Variants in KDM4B observed in about 807,000 individuals in gnomAD.
The protein encoded by KDM4B is lysine-specific demethylase 4B.
KDM4B carries 32 observed loss-of-function variants against 125.2 expected under a neutral mutation model. The observed-to-expected ratio is 0.26, with a 90% CI of 0.19 to 0.34. The LOEUF is 0.34. KDM4B is among the 10% of genes least tolerant of loss of function. KDM4B has a pLI of 1.00. For synonymous variants in KDM4B, 721 were observed against 677.9 expected, an observed-to-expected ratio of 1.06 and a Z score of -0.99; for missense variants, 1,190 against 1,577.7, an observed-to-expected ratio of 0.75 and a Z score of 4.16.
Position 5,039,887 on chromosome 19 carries a change from G to A in KDM4B, c.193G>A (p.Asp65Asn), listed in dbSNP as rs572673151. ...GCGGCAGACGTATGATGACATCGAC[G>A]ACGTGGTGATCCCGGCGCCCATCCA... ...KPRQTYDDIDDVVIPAPIQQV... is the reference protein window; with the variant it reads ...KPRQTYDDIDNVVIPAPIQQV... The change falls in exon 4 of 23, where the codon GAC becomes AAC. Residue 65 changes from aspartate (D) to asparagine (N), a missense_variant. Asp to Asn is a conservative substitution (Grantham distance 23). Around this residue, in one of 7 missense-constraint regions of KDM4B, gnomAD observed 139 missense variants for 248.3 expected, o/e 0.56. Coordinates refer to ENST00000159111, the MANE Select transcript of KDM4B (RefSeq NM_015015.3). The A allele has an allele frequency of 2.5e-6, 4 of 1,612,994 alleles. No homozygotes were observed. Among genetic ancestry groups the A allele is most frequent in the East Asian group, 2.2e-5 (1 of 44,880 alleles).
intron 11 of KDM4B, among the ~76,000 whole-genome samples, chr19:5,120,706 T>G (rs2039344706): frequency 1.3e-5 from 2 of 152,214 alleles, no homozygotes; most frequent in East Asian, 3.9e-4. Flanking sequence ...GTTTAGAGCT[T>G]TAGCTGCTTG....
chr19:5,041,119 G>C lies in KDM4B; in HGVS notation c.318-18G>C. 1 of 1,561,434 alleles carries C rather than the reference G, an allele frequency of 6.4e-7. No individual in the cohort carries two copies. The highest frequency in any genetic ancestry group is 8.8e-7 in the Non-Finnish European group (1 of 1,133,786). ...CCAGGCCTCACCCTGAGCTGGTTTT[G>C]GGGTGTTTGTTCACCAGGTACTGTA... On this transcript the variant is annotated intron_variant, in intron 4 of 22. Coordinates refer to ENST00000159111, the MANE Select transcript of KDM4B (RefSeq NM_015015.3).
chr19:4,996,372 C>T (rs2035201053), intron 1 of KDM4B, among the ~76,000 whole-genome samples: 1 of 152,018 alleles, frequency 6.6e-6, no homozygotes, highest in East Asian at 1.9e-4. Context: ...GTGTGTGTGC[C>T]TGTTTTATTT....
chr19:5,036,225 G>A (rs1004390687), intron 3 of KDM4B, among the ~76,000 whole-genome samples: 17 of 152,230 alleles, frequency 1.1e-4, no homozygotes, highest in African/African-American at 2.2e-4. Flanking sequence ...GCATGTATGT[G>A]TGTGGTGGGG....
At chr19:4,993,131 C>T (rs376213982) in intron 1 of KDM4B, among the ~76,000 whole-genome samples, 95 of 152,018 alleles carry the variant, frequency 6.2e-4, no homozygotes, top group Non-Finnish European at 1.2e-3. Context: ...GGGTATGAGC[C>T]GGGCATGGGG....
chr19:4,970,292 A>G (rs755731642), intron 1 of KDM4B, among the ~76,000 whole-genome samples: 2 of 152,212 alleles, frequency 1.3e-5, no homozygotes, highest in African/African-American at 4.8e-5. Context: ...TGTTTTAATA[A>G]TTTACCAGCA....
chr19:5,050,416 C>G (rs1000811499), intron 6 of KDM4B, among the ~76,000 whole-genome samples: 1 of 152,288 alleles, frequency 6.6e-6, no homozygotes, highest in Non-Finnish European at 1.5e-5. Flanking sequence ...CCCCCGCCAA[C>G]TTCCCGCAGC....
chr19:5,065,557 C>T (rs188877550), intron 6 of KDM4B, among the ~76,000 whole-genome samples: 12 of 152,278 alleles, frequency 7.9e-5, no homozygotes, highest in African/African-American at 1.7e-4. Context: ...CAAGCCATTC[C>T]GGGGGAATAA....
chr19:5,113,795 G>A, intron 10 of KDM4B: 1 of 708,170 alleles, frequency 1.4e-6, no homozygotes, highest in Non-Finnish European at 1.7e-6. Flanking sequence ...CCAAGGGATG[G>A]CATCAGGGTG....
At chr19:5,107,856 C>T (rs998654072) in intron 9 of KDM4B, among the ~76,000 whole-genome samples, 1 of 152,242 alleles carries the variant, frequency 6.6e-6, no homozygotes, top group African/African-American at 2.4e-5. Flanking sequence ...CTGTGCTTCC[C>T]TCCCTGTGAC....
chr19:5,114,228 G>T lies in KDM4B; in HGVS notation c.1115+3410G>T. 1 of 1,289,060 alleles carries T rather than the reference G, an allele frequency of 7.8e-7. No individual in the cohort carries two copies. Among genetic ancestry groups the T allele is most frequent in the Non-Finnish European group, 1.0e-6 (1 of 988,332 alleles). The allele number at this position is 1,289,060 out of a possible 1,614,324, so 79.9% of individuals were successfully genotyped here. ...TGTGCACGTGCTCCAGCAGGTACGC[G>T]CTCCCTGCAGGACATCTGTGCACCC... is the stretch of plus-strand genomic sequence containing the variant. On this transcript the variant is annotated intron_variant, in intron 10 of 22. Transcript: ENST00000159111. This position sits in a 1 kb window ranked among gnomAD's most constrained non-coding sequence, Gnocchi z 5.8.
intron 11 of KDM4B, among the ~76,000 whole-genome samples, chr19:5,121,150 G>T (rs1249315406): frequency 6.6e-6 from 1 of 152,174 alleles, no homozygotes; most frequent in Non-Finnish European, 1.5e-5. Flanking sequence ...GCACGCCCCT[G>T]CCCTCCCCAT....
intron 1 of KDM4B, among the ~76,000 whole-genome samples, chr19:4,992,736 C>T (rs575442831): frequency 6.6e-6 from 1 of 152,296 alleles, no homozygotes; most frequent in Non-Finnish European, 1.5e-5. Context: ...CAGGCATGAG[C>T]CACTGTGTCT....
intron 6 of KDM4B, among the ~76,000 whole-genome samples, chr19:5,063,932 G>A (rs1010138037): frequency 1.3e-5 from 2 of 152,306 alleles, no homozygotes; most frequent in East Asian, 3.9e-4. Context: ...ACTGCATGTC[G>A]GCTGAGGGGC....
chr19:5,012,054 C>T (rs1467401743), intron 1 of KDM4B, among the ~76,000 whole-genome samples: 1 of 152,188 alleles, frequency 6.6e-6, no homozygotes, highest in Non-Finnish European at 1.5e-5. Flanking sequence ...TCGTCCGATG[C>T]CTTGGGCTGT....
chr19:5,020,070 C>T (rs1375803718), intron 2 of KDM4B, among the ~76,000 whole-genome samples: 1 of 111,106 alleles, frequency 9.0e-6, no homozygotes, highest in Non-Finnish European at 1.8e-5. Context: ...TGTTGGTGTG[C>T]AGGTGTTGGT....
At chr19:5,105,273 G>A (rs1047727977) in intron 9 of KDM4B, among the ~76,000 whole-genome samples, 3 of 152,242 alleles carry the variant, frequency 2.0e-5, no homozygotes, top group Admixed American at 6.5e-5. Context: ...CAGCTGCCAC[G>A]CTCAGTACAA....
chr19:5,007,795 C>T (rs929648185), intron 1 of KDM4B, among the ~76,000 whole-genome samples: 4 of 152,108 alleles, frequency 2.6e-5, no homozygotes, highest in Non-Finnish European at 5.9e-5. Context: ...TCAAGTGATC[C>T]TCCCACCTCT....
At chr19:5,089,398 A>G (rs967183289) in intron 9 of KDM4B, among the ~76,000 whole-genome samples, 7 of 152,208 alleles carry the variant, frequency 4.6e-5, no homozygotes, top group African/African-American at 1.7e-4. Flanking sequence ...TTGTAGTGGA[A>G]AGTTCTATGA....
Sources: allele counts gnomAD v4.1 joint callset (sites outside exome capture counted in the v4.1 genomes callset), GRCh38; gene constraint gnomAD v4.1.1; regional missense constraint gnomAD v4.1.1; non-coding constraint Gnocchi (gnomAD v3.1); transcripts MANE v1.5; gene names NCBI Gene and HGNC (gene_info 2026-07-23, HGNC 2026-07-21).